SLC24A3: variants seen among roughly 807,000 people sequenced by gnomAD.
SLC24A3 encodes the protein solute carrier family 24 member 3.
A neutral mutation model predicts 75.8 loss-of-function variants in SLC24A3; 28 were observed. The observed-to-expected ratio is 0.37, with a 90% confidence interval of 0.27 to 0.51. The LOEUF (loss-of-function observed/expected upper bound fraction) is 0.51, where lower values mean the gene tolerates loss of function less well. Among genes scored for constraint, SLC24A3 ranks in the 20% least tolerant of loss-of-function variants. The pLI is 0.94. For missense variants in SLC24A3, 663 were observed against 847.8 expected, an observed-to-expected ratio of 0.78 and a Z score of 2.71; for synonymous variants, 372 against 334.1, an observed-to-expected ratio of 1.11 and a Z score of -1.24.
At chr20:19,454,204 C>T (rs2122486554) in intron 2 of SLC24A3, among the ~76,000 whole-genome samples, 1 of 152,258 alleles carries the variant, frequency 6.6e-6, no homozygotes, top group East Asian at 1.9e-4. Flanking sequence ...TGCCTGCTTC[C>T]TGCCCATCTA....
chr20:19,492,734 T>C (rs149128066), intron 2 of SLC24A3, among the ~76,000 whole-genome samples: 256 of 152,352 alleles, frequency 1.7e-3, no homozygotes, highest in Non-Finnish European at 3.1e-3. Context: ...CTAATTTTAT[T>C]ATATCTGTTT....
chr20:19,382,081 TG>T (rs1418287518), intron 2 of SLC24A3, among the ~76,000 whole-genome samples: 1 of 152,262 alleles, frequency 6.6e-6, no homozygotes, highest in Non-Finnish European at 1.5e-5. Context: ...GTTTGCCACG[TG>T]TCAGTTCTCA....
chr20:19,327,719 T>G (rs1252241582), intron 2 of SLC24A3, among the ~76,000 whole-genome samples: 1 of 152,232 alleles, frequency 6.6e-6, no homozygotes, highest in Non-Finnish European at 1.5e-5. Flanking sequence ...TTTCCCCTAC[T>G]TTCATGGTCT....
chr20:19,264,095 G>A (rs1214512904), intron 1 of SLC24A3: 1 of 149,466 alleles, frequency 6.7e-6, no homozygotes, highest in Non-Finnish European at 1.5e-5. Flanking sequence ...GTGCACGTCT[G>A]TAGTTCTAGC....
At chr20:19,526,280 G>T (rs1266001533) in intron 3 of SLC24A3, among the ~76,000 whole-genome samples, 1 of 152,170 alleles carries the variant, frequency 6.6e-6, no homozygotes, top group Non-Finnish European at 1.5e-5. Context: ...CAGGATTAGT[G>T]TGGAGGTCAC....
In SLC24A3 at chr20:19,513,167, G is replaced by T. The variant is rs370719820; in HGVS notation, c.272-2321G>T. Among the ~76,000 whole-genome samples, 94 of 152,312 alleles carry T rather than the reference G, an allele frequency of 6.2e-4. 1 individual carries two copies. In the South Asian group the frequency reaches 0.018, roughly 29 times the overall value. ...GAGAGTGGCAGCTGAATGTAAATCA[G>T]GTCAAATCCTCTTTTGGAGGAGGTC... On this transcript the variant is annotated intron_variant, in intron 2 of 16. Transcript: ENST00000328041.
chr20:19,663,417 T>A (rs142709202), intron 7 of SLC24A3, among the ~76,000 whole-genome samples: 6 of 37,040 alleles, frequency 1.6e-4, no homozygotes, highest in African/African-American at 5.0e-4. Context: ...CACCTCCTCC[T>A]CCTCCTCCTC....
chr20:19,528,546 G>A (rs187394148), intron 3 of SLC24A3, among the ~76,000 whole-genome samples: 4 of 152,248 alleles, frequency 2.6e-5, no homozygotes, highest in East Asian at 3.9e-4. Flanking sequence ...TCACTATTGC[G>A]ACTTTGGTTT....
intron 2 of SLC24A3, among the ~76,000 whole-genome samples, chr20:19,489,420 A>C (rs535065231): frequency 6.6e-6 from 1 of 152,362 alleles, no homozygotes; most frequent in East Asian, 1.9e-4. Flanking sequence ...ATGACTCAAA[A>C]GTATAAACAT....
intron 6 of SLC24A3, among the ~76,000 whole-genome samples, chr20:19,645,528 G>A (rs2032126762): frequency 6.6e-6 from 1 of 152,148 alleles, no homozygotes; most frequent in Non-Finnish European, 1.5e-5. Context: ...GGGCAATGAA[G>A]AGGTGGGCGA....
chr20:19,699,138 C>T (rs1315437410), intron 15 of SLC24A3, among the ~76,000 whole-genome samples: 2 of 152,230 alleles, frequency 1.3e-5, no homozygotes, highest in Admixed American at 1.3e-4. Context: ...CCATTCTTCA[C>T]TCATGGACTA....
chr20:19,639,981 G>T (rs1010880335), intron 6 of SLC24A3, among the ~76,000 whole-genome samples: 37 of 152,360 alleles, frequency 2.4e-4, no homozygotes, highest in African/African-American at 8.9e-4. Context: ...GCCCGCAAGC[G>T]CGGAGCGCAG....
intron 1 of SLC24A3, among the ~76,000 whole-genome samples, chr20:19,251,684 G>A (rs75774443): frequency 2.3e-3 from 351 of 152,276 alleles, no homozygotes; most frequent in African/African-American, 8.0e-3. Context: ...TGCAGGTTGA[G>A]GGTTGCTCAC....
chr20:19,681,780 C>G, intron 9 of SLC24A3, 78 bp from the exon 10 acceptor site: 1 of 1,606,982 alleles, frequency 6.2e-7, no homozygotes, highest in South Asian at 1.1e-5. Context: ...GGAGAGCTCT[C>G]AGAAGCACTT....
chr20:19,613,213 T>A lies in SLC24A3; in HGVS notation c.612+27669T>A, dbSNP rs375901486. On this transcript the variant is annotated intron_variant, in intron 6 of 16. Transcript: ENST00000328041. ...CATGAACATGCTGTATAATTTAAAA[T>A]CTATTTGTGTATTATAAAACTTCCT... Among the ~76,000 whole-genome samples the A allele has an allele frequency of 5.3e-5, 8 of 152,344 alleles. 1 individual carries two copies. In the East Asian group the frequency reaches 1.5e-3, roughly 29 times the overall value.
chr20:19,525,185 G>A (rs946150357), intron 3 of SLC24A3, among the ~76,000 whole-genome samples: 5 of 152,120 alleles, frequency 3.3e-5, no homozygotes, highest in Non-Finnish European at 7.4e-5. Context: ...AGCTTAAGAA[G>A]AATCTGATCT....
At chr20:19,558,028 A>G (rs1330250771) in intron 3 of SLC24A3, among the ~76,000 whole-genome samples, 2 of 152,112 alleles carry the variant, frequency 1.3e-5, no homozygotes, top group Admixed American at 6.5e-5. Flanking sequence ...AAATAGAACT[A>G]AATGCGTTGA....
chr20:19,464,846 G>A (rs1987738177), intron 2 of SLC24A3, among the ~76,000 whole-genome samples: 1 of 152,170 alleles, frequency 6.6e-6, no homozygotes, highest in African/African-American at 2.4e-5. Flanking sequence ...GGTATACTTT[G>A]GCATTTGATT....
intron 3 of SLC24A3, among the ~76,000 whole-genome samples, chr20:19,547,272 G>A (rs529925838): frequency 1.8e-4 from 27 of 152,286 alleles, no homozygotes; most frequent in African/African-American, 6.3e-4. Flanking sequence ...AAGTGAAAGA[G>A]GCTAGGTCTA....
Sources: gnomAD v4.1 joint callset for allele counts (sites outside exome capture counted in the v4.1 genomes callset) on GRCh38, gnomAD v4.1.1 for gene constraint, MANE v1.5 for transcripts, NCBI Gene and HGNC (gene_info 2026-07-23, HGNC 2026-07-21) for gene names.